The following EMCN variants were observed in gnomAD, a reference collection of about 807,000 sequenced individuals.
EMCN encodes MUC-14.
A neutral mutation model predicts 38.4 loss-of-function variants in EMCN; 37 were observed. The ratio of observed to expected loss-of-function variants is 0.96; its 90% CI spans 0.74 to 1.27. The LOEUF is 1.27. EMCN is among the 50% of genes most tolerant of loss of function. The pLI is 0.00. For synonymous variants in EMCN, 95 were observed against 100.8 expected, an observed-to-expected ratio of 0.94 and a Z score of 0.35; for missense variants, 318 against 302.8, an observed-to-expected ratio of 1.05 and a Z score of -0.37.
intron 3 of EMCN, among the ~76,000 whole-genome samples, chr4:100,470,868 A>G (rs1728458165): frequency 1.3e-5 from 2 of 151,960 alleles, no homozygotes; most frequent in Non-Finnish European, 2.9e-5. Flanking sequence ...GTCAAGGAAT[A>G]AATCATAAAA....
Position 100,397,402 on chromosome 4 carries a change from A to C in EMCN, c.*1011T>G, listed in dbSNP as rs758899098. On this transcript the variant is annotated 3_prime_UTR_variant, in exon 12 of 12. Transcript: ENST00000296420. Reference sequence around the variant, plus strand: ...TATGGTATTTTTAGAACAGTGATACAATGAAAAATAATATCATAATTATGT... The same window carrying C: ...TATGGTATTTTTAGAACAGTGATACCATGAAAAATAATATCATAATTATGT... The C allele has an allele frequency of 6.6e-6, 1 of 152,204 alleles. No homozygotes were observed. Among genetic ancestry groups the C allele is most frequent in the Non-Finnish European group, 1.5e-5 (1 of 68,032 alleles). 9.4% of individuals were successfully genotyped at this position (152,204 alleles called of 1,614,324 possible).
At chr4:100,433,271 C>T (rs1404447207) in intron 5 of EMCN, among the ~76,000 whole-genome samples, 1 of 152,156 alleles carries the variant, frequency 6.6e-6, no homozygotes, top group Non-Finnish European at 1.5e-5. Flanking sequence ...CATGTTCATC[C>T]ATGTTTTGGC....
chr4:100,457,255 G>A (rs1191240149), intron 4 of EMCN, among the ~76,000 whole-genome samples: 6 of 151,462 alleles, frequency 4.0e-5, no homozygotes, highest in Non-Finnish European at 7.4e-5. Flanking sequence ...TGTCATCTGA[G>A]AACAGAGATC....
At chr4:100,479,251 C>T (rs1217984526) in intron 2 of EMCN, among the ~76,000 whole-genome samples, 1 of 148,932 alleles carries the variant, frequency 6.7e-6, no homozygotes, top group East Asian at 2.4e-4. Context: ...AGTTTTTGTC[C>T]ATAGACAATC....
chr4:100,413,574 G>T (rs574244849), intron 10 of EMCN, among the ~76,000 whole-genome samples: 23 of 152,246 alleles, frequency 1.5e-4, no homozygotes, highest in African/African-American at 5.3e-4. Flanking sequence ...GTTAATGATA[G>T]ACTTGAATAA....
intron 5 of EMCN, among the ~76,000 whole-genome samples, chr4:100,441,098 A>G (rs1727503207): frequency 6.6e-6 from 1 of 152,076 alleles, no homozygotes. Flanking sequence ...AAAAAAAAAA[A>G]AAGTGGGGTA....
At chr4:100,488,123 C>A (rs1298319999) in intron 1 of EMCN, among the ~76,000 whole-genome samples, 1 of 152,194 alleles carries the variant, frequency 6.6e-6, no homozygotes, top group African/African-American at 2.4e-5. Flanking sequence ...CTTGCTGGGC[C>A]TCCATTTTTT....
rs114902005 is a variant in EMCN at position 100,419,506 on chromosome 4, G to A, written c.664+1776C>T. Among the ~76,000 whole-genome samples, 1,423 of 152,148 alleles carry A rather than the reference G, an allele frequency of 9.4e-3. 11 individuals carry two copies. The highest frequency in any genetic ancestry group is 0.017 in the Middle Eastern group (5 of 294). On this transcript the variant is annotated intron_variant, in intron 8 of 11. Coordinates refer to ENST00000296420, the MANE Select transcript of EMCN (RefSeq NM_016242.4). ...GGAACTTTATACATCCATGGAAACC[G>A]CTTTAATAGAAAAGGTCAACTTTTC...
chr4:100,409,214 T>A (rs1367832838), intron 11 of EMCN, among the ~76,000 whole-genome samples: 1 of 137,462 alleles, frequency 7.3e-6, no homozygotes, highest in Non-Finnish European at 1.5e-5. Context: ...TCTGGACACG[T>A]ATTTATTTTA....
intron 5 of EMCN, among the ~76,000 whole-genome samples, chr4:100,425,170 C>T (rs1727009982): frequency 6.6e-6 from 1 of 151,682 alleles, no homozygotes; most frequent in Non-Finnish European, 1.5e-5. Context: ...CACACACACA[C>T]ACACACACAC....
rs975058949 is a variant in EMCN at position 100,503,995 on chromosome 4, T to A, written c.64+13856A>T. Among the ~76,000 whole-genome samples the A allele has an allele frequency of 2.0e-5, 3 of 152,268 alleles. No homozygotes were observed. In the South Asian group the frequency reaches 6.2e-4, roughly 32 times the overall value. ...GATGGGAAAAATAACCATATGCAAA[T>A]TTTCAAGTAAAATATCTATAATCTG... On this transcript the variant is annotated intron_variant, in intron 1 of 11. Coordinates refer to ENST00000296420, the MANE Select transcript of EMCN (RefSeq NM_016242.4).
intron 3 of EMCN, among the ~76,000 whole-genome samples, chr4:100,473,001 T>C (rs1728518227): frequency 7.8e-6 from 1 of 127,960 alleles, no homozygotes; most frequent in Non-Finnish European, 1.7e-5. Context: ...TAGAAGTATA[T>C]ATATATATTA....
intron 3 of EMCN, among the ~76,000 whole-genome samples, chr4:100,473,365 G>GGTTTTTTTTTTTTTTTTTTTTTTT (rs1728533364): frequency 3.4e-5 from 1 of 29,840 alleles, no homozygotes; most frequent in African/African-American, 8.1e-5. Flanking sequence ...CCCGTTTCGT[G>GGTTTTTTTTTTTTTTTTTTTTTTT]TTTTTTTGTT....
chr4:100,482,021 A>G (rs1242604492), intron 1 of EMCN, among the ~76,000 whole-genome samples: 1 of 152,042 alleles, frequency 6.6e-6, no homozygotes, highest in Non-Finnish European at 1.5e-5. Flanking sequence ...ATTAGATACA[A>G]TAAAAGACTC....
intron 5 of EMCN, among the ~76,000 whole-genome samples, chr4:100,424,770 A>C (rs150588664): frequency 6.6e-6 from 1 of 152,156 alleles, no homozygotes; most frequent in African/African-American, 2.4e-5. Context: ...TTCCAGTGTC[A>C]AGTAGTTTAG....
chr4:100,406,736 A>G (rs1271156522), intron 11 of EMCN, among the ~76,000 whole-genome samples: 3 of 152,102 alleles, frequency 2.0e-5, no homozygotes, highest in East Asian at 3.8e-4. Context: ...CTGTAGATGC[A>G]TGTTAGTTCT....
chr4:100,444,805 A>G (rs1727622878), intron 5 of EMCN, among the ~76,000 whole-genome samples: 1 of 152,096 alleles, frequency 6.6e-6, no homozygotes, highest in South Asian at 2.1e-4. Flanking sequence ...GACAAGAGGT[A>G]GGGGCTGAGA....
At chr4:100,486,624 A>T (rs77396391) in intron 1 of EMCN, among the ~76,000 whole-genome samples, 10,136 of 152,302 alleles carry the variant, frequency 0.067, 444 homozygotes, top group Middle Eastern at 0.11. Flanking sequence ...CTGAAAGAGG[A>T]ATCTCCTCAG....
chr4:100,403,256 T>C (rs11936172), intron 11 of EMCN, among the ~76,000 whole-genome samples: 39,822 of 151,966 alleles, frequency 0.26, 6,999 homozygotes, highest in East Asian at 0.77. Flanking sequence ...TTTGTGCCTT[T>C]AGTGCTTGGC....
Sources: gnomAD v4.1 joint callset for allele counts (sites outside exome capture counted in the v4.1 genomes callset) on GRCh38, gnomAD v4.1.1 for gene constraint, MANE v1.5 for transcripts, NCBI Gene and HGNC (gene_info 2026-07-23, HGNC 2026-07-21) for gene names.